SYN3: variants seen among roughly 807,000 people sequenced by gnomAD.
SYN3 encodes synapsin III.
In SYN3, 35 loss-of-function variants were observed where a neutral mutation model predicts 65.8. That is an observed-to-expected ratio of 0.53 (90% CI 0.41 to 0.70). The LOEUF is 0.70. Among genes scored for constraint, SYN3 ranks in the 30% least tolerant of loss-of-function variants. The probability of loss-of-function intolerance (pLI) is 0.00; values close to 1 mark genes in which losing one functional copy is unlikely to be tolerated. For synonymous variants in SYN3, 270 were observed against 292.9 expected (o/e 0.92, Z 0.80); for missense variants, 680 against 749.0 (o/e 0.91, Z 1.08).
At chr22:32,565,729 AT>A (rs112055588) in intron 7 of SYN3, among the ~76,000 whole-genome samples, 7 of 147,862 alleles carry the variant, frequency 4.7e-5, no homozygotes, top group African/African-American at 7.4e-5. Context: ...TATTTATTTA[AT>A]TTTTTTTTAC....
At chr22:32,699,733 T>G (rs2060786410) in intron 6 of SYN3, among the ~76,000 whole-genome samples, 1 of 152,336 alleles carries the variant, frequency 6.6e-6, no homozygotes, top group South Asian at 2.1e-4. Context: ...ATTCTGTTTT[T>G]CATCTACAGG....
chr22:32,965,543 CGTGTGTGT>C lies in SYN3; in HGVS notation c.369+15094_369+15101del, dbSNP rs10602672. 7.5e-4 allele frequency among the ~76,000 whole-genome samples: 111 copies of C among 147,340 alleles called. 1 individual carries two copies. Among genetic ancestry groups the C allele is most frequent in the African/African-American group, 1.7e-3 (67 of 39,684 alleles). ...TAACAGTTTGTAATTATGGTGCGTA[CGTGTGTGT>C]GTGTGTGTGTGTGTGTGTGTGTGTG... On this transcript the variant is annotated intron_variant, in intron 3 of 13. Transcript: ENST00000358763.
chr22:33,040,242 G>A (rs1036625722), intron 1 of SYN3, among the ~76,000 whole-genome samples: 9 of 151,728 alleles, frequency 5.9e-5, no homozygotes, highest in Admixed American at 2.0e-4. Flanking sequence ...GTGATCTCCC[G>A]CCTCAGCCTG....
intron 7 of SYN3, among the ~76,000 whole-genome samples, chr22:32,587,629 G>A (rs1159276770): frequency 1.3e-5 from 2 of 152,084 alleles, no homozygotes; most frequent in Non-Finnish European, 2.9e-5. Flanking sequence ...TCCAAAGGCC[G>A]ACCAGGCCCG....
At chr22:32,695,605 G>C (rs991159305) in intron 6 of SYN3, among the ~76,000 whole-genome samples, 1 of 152,166 alleles carries the variant, frequency 6.6e-6, no homozygotes, top group African/African-American at 2.4e-5. Context: ...CCTCTGACTG[G>C]CCATTTAATG....
intron 6 of SYN3, among the ~76,000 whole-genome samples, chr22:32,639,741 C>G (rs1469221208): frequency 1.3e-5 from 2 of 152,076 alleles, no homozygotes; most frequent in Non-Finnish European, 2.9e-5. Context: ...AAGGCAGGGT[C>G]TTGCTGTGTT....
intron 6 of SYN3, among the ~76,000 whole-genome samples, chr22:32,599,447 G>C (rs575711108): frequency 1.3e-5 from 2 of 151,482 alleles, no homozygotes; most frequent in Non-Finnish European, 2.9e-5. Flanking sequence ...TCAGCCTCCC[G>C]AGTAGCTGGG....
chr22:33,009,426 T>C (rs142477524), intron 1 of SYN3, among the ~76,000 whole-genome samples: 1 of 152,342 alleles, frequency 6.6e-6, no homozygotes, highest in East Asian at 1.9e-4. Context: ...TTTGTGGATA[T>C]CTATTCAAAT....
At chr22:32,909,627 C>A (rs552933373) in intron 4 of SYN3, among the ~76,000 whole-genome samples, 18 of 139,740 alleles carry the variant, frequency 1.3e-4, no homozygotes, top group South Asian at 2.7e-4. Flanking sequence ...CCCGCCCCCC[C>A]ACCCCTTACC....
chr22:32,677,366 A>G (rs2093441476), intron 6 of SYN3, among the ~76,000 whole-genome samples: 1 of 152,222 alleles, frequency 6.6e-6, no homozygotes, highest in East Asian at 1.9e-4. Context: ...TTACTGTACC[A>G]TTGTTCATGG....
chr22:33,019,704 G>A (rs572027301), intron 1 of SYN3, among the ~76,000 whole-genome samples: 1 of 152,254 alleles, frequency 6.6e-6, no homozygotes, highest in South Asian at 2.1e-4. Context: ...GAGTGCAGTG[G>A]CGCGATCTTG....
At chr22:32,676,460 A>C (rs1048177225) in intron 6 of SYN3, among the ~76,000 whole-genome samples, 2 of 150,670 alleles carry the variant, frequency 1.3e-5, no homozygotes, top group African/African-American at 4.9e-5. Flanking sequence ...GCAAAGTCTC[A>C]GTGTAGCCTC....
intron 6 of SYN3, among the ~76,000 whole-genome samples, chr22:32,769,381 G>A (rs2145763542): frequency 6.6e-6 from 1 of 152,318 alleles, no homozygotes; most frequent in African/African-American, 2.4e-5. Flanking sequence ...ACTTGACATA[G>A]TTGATCATTC....
chr22:32,695,821 C>CAG (rs1362355989), intron 6 of SYN3, among the ~76,000 whole-genome samples: 8 of 152,010 alleles, frequency 5.3e-5, no homozygotes, highest in Non-Finnish European at 7.4e-5. Flanking sequence ...TTCTATGACT[C>CAG]ACCTACCTCT....
rs750187759 is a variant in SYN3 at position 33,006,579 on chromosome 22, T to C, written c.84A>G (p.Pro28=). 1 of 1,614,060 alleles carries C rather than the reference T, an allele frequency of 6.2e-7. No individual in the cohort carries two copies. The highest frequency in any genetic ancestry group is 8.5e-7 in the Non-Finnish European group (1 of 1,179,988). The change falls in exon 2 of 14, where the codon CCA becomes CCG. Residue 28 remains proline, a synonymous_variant. Coordinates refer to ENST00000358763, the MANE Select transcript of SYN3 (RefSeq NM_003490.4). The stretch of plus-strand genomic sequence containing the variant: ...AAGCAGGTGAGCTGGTGGAGCTATC[T>C]GGGCGTTGCAGGTCCGTCATATAGC... ...PNGYMTDLQR[P]DSSTSSPASP...
chr22:32,853,772 T>C (rs1442210765), intron 6 of SYN3, among the ~76,000 whole-genome samples: 1 of 152,236 alleles, frequency 6.6e-6, no homozygotes, highest in African/African-American at 2.4e-5. Context: ...TTTTATTGAA[T>C]GTTGTGGGCT....
intron 6 of SYN3, among the ~76,000 whole-genome samples, chr22:32,758,031 A>G (rs2045347315): frequency 6.6e-6 from 1 of 152,202 alleles, no homozygotes; most frequent in South Asian, 2.1e-4. Flanking sequence ...GTTAAAAAAC[A>G]TGTTTGTGCA....
At position 32,513,070 on chromosome 22, in the gene SYN3, G is replaced by A. The variant is rs2057711144; in HGVS notation, c.*622C>T. On this transcript the variant is annotated 3_prime_UTR_variant, in exon 14 of 14. Transcript: ENST00000358763. Reference sequence around the variant, plus strand: ...TCTGAAAGACCCCACTTGTCATACAGGGTCTGGTTTCTTTCTTGGCCTCAG... The same window carrying A: ...TCTGAAAGACCCCACTTGTCATACAAGGTCTGGTTTCTTTCTTGGCCTCAG... 1 of 152,344 alleles carries A rather than the reference G, an allele frequency of 6.6e-6. No homozygotes were observed. The highest frequency in any genetic ancestry group is 2.1e-4 in the South Asian group (1 of 4,806). The allele number at this position is 152,344 out of a possible 1,614,324, so 9.4% of individuals were successfully genotyped here.
intron 6 of SYN3, among the ~76,000 whole-genome samples, chr22:32,646,186 G>C (rs2059981435): frequency 6.6e-6 from 1 of 152,126 alleles, no homozygotes; most frequent in African/African-American, 2.4e-5. Context: ...ATGGATCCCT[G>C]GCTCAACAGC....
Sources: allele counts gnomAD v4.1 joint callset (sites outside exome capture counted in the v4.1 genomes callset), GRCh38; gene constraint gnomAD v4.1.1; transcripts MANE v1.5; gene names NCBI Gene and HGNC (gene_info 2026-07-23, HGNC 2026-07-21).